PALD1: variants seen among roughly 807,000 people sequenced by gnomAD.
PALD1 encodes the protein paladin.
A neutral mutation model predicts 96.0 loss-of-function variants in PALD1; 57 were observed. The observed-to-expected ratio is 0.59, with a 90% CI of 0.48 to 0.74. PALD1 has a LOEUF of 0.74. Ranked by LOEUF, PALD1 falls within the 30% of genes least tolerant of loss-of-function variation. The pLI is 0.00. For synonymous variants in PALD1, 464 were observed against 473.6 expected, an observed-to-expected ratio of 0.98 and a Z score of 0.26; for missense variants, 1,063 against 1,143.7, an observed-to-expected ratio of 0.93 and a Z score of 1.02.
At chr10:70,518,145 C>T (rs952390241) in intron 1 of PALD1, among the ~76,000 whole-genome samples, 36 of 152,186 alleles carry the variant, frequency 2.4e-4, no homozygotes, top group African/African-American at 7.9e-4. Context: ...TCAGGTGATC[C>T]GCCCGCCTCG....
chr10:70,551,944 AC>A (rs1035914423), intron 18 of PALD1, among the ~76,000 whole-genome samples: 6 of 152,158 alleles, frequency 3.9e-5, no homozygotes, highest in Non-Finnish European at 8.8e-5. Context: ...CGATGATTTT[AC>A]TTTTGCCCGT....
chr10:70,556,510 TC>T (rs1847616008), intron 18 of PALD1, among the ~76,000 whole-genome samples: 2 of 151,780 alleles, frequency 1.3e-5, no homozygotes, highest in African/African-American at 2.4e-5. Context: ...AGAGACAGGG[TC>T]TTTGCTGTGG....
chr10:70,487,378 C>G (rs918941572), intron 1 of PALD1, among the ~76,000 whole-genome samples: 4 of 151,980 alleles, frequency 2.6e-5, no homozygotes, highest in Admixed American at 2.6e-4. Flanking sequence ...TGTGATCCGC[C>G]CGTCTTGGCC....
chr10:70,479,830 G>C (rs990864176), intron 1 of PALD1, among the ~76,000 whole-genome samples: 1 of 152,250 alleles, frequency 6.6e-6, no homozygotes, highest in Non-Finnish European at 1.5e-5. Flanking sequence ...TTAAATGCCA[G>C]GAAGGGCACT....
At chr10:70,480,285 T>C (rs924064419) in intron 1 of PALD1, among the ~76,000 whole-genome samples, 1 of 152,236 alleles carries the variant, frequency 6.6e-6, no homozygotes, top group African/African-American at 2.4e-5. Context: ...CTAGTTGCCC[T>C]GTGGCTCCTG....
At chr10:70,510,338 T>TA (rs1166663874) in intron 1 of PALD1, among the ~76,000 whole-genome samples, 1 of 151,930 alleles carries the variant, frequency 6.6e-6, no homozygotes, top group Non-Finnish European at 1.5e-5. Context: ...GCCAGGAGAG[T>TA]GTCAGCAGGG....
intron 1 of PALD1, among the ~76,000 whole-genome samples, chr10:70,513,464 T>A (rs1846557401): frequency 6.6e-6 from 1 of 152,152 alleles, no homozygotes; most frequent in African/African-American, 2.4e-5. Flanking sequence ...GAGCCGAGAT[T>A]GCACCACTGC....
Position 70,529,933 on chromosome 10 carries a change from G to T in PALD1, c.333G>T (p.Val111=). ...GGGATGTCACTGAGAAGATGGATGT[G>T]CTGGGCACCGTGGGAAGCTGTGGGG... The part of the protein sequence containing the change: ...LVRDVTEKMD[V]LGTVGSCGAP... Residue 111 remains valine (V), a synonymous_variant, in exon 4 of 20, where the codon GTG becomes GTT. Transcript: ENST00000263563. 6.2e-7 allele frequency: 1 copy of T among 1,613,948 alleles called. No individual in the cohort carries two copies. Among genetic ancestry groups the T allele is most frequent in the East Asian group, 2.2e-5 (1 of 44,828 alleles).
At chr10:70,472,002 C>T in the PALD1 span, among the ~76,000 whole-genome samples, 2 of 152,210 alleles carry the variant, frequency 1.3e-5, no homozygotes, top group Admixed American at 1.3e-4. Flanking sequence ...CCTAGCAAGT[C>T]TGGGGGCCTC....
intron 1 of PALD1, among the ~76,000 whole-genome samples, chr10:70,502,884 C>T (rs905700551): frequency 6.6e-6 from 1 of 151,918 alleles, no homozygotes; most frequent in Non-Finnish European, 1.5e-5. Flanking sequence ...CTTTTCTCTT[C>T]TCTCTTTTCT....
chr10:70,461,093 G>C, the PALD1 span, among the ~76,000 whole-genome samples: 1 of 152,084 alleles, frequency 6.6e-6, no homozygotes, highest in African/African-American at 2.4e-5. Context: ...CCAGAACCCC[G>C]GCCTGCGGGC....
intron 2 of PALD1, 22 bp from the exon 3 acceptor site, chr10:70,529,207 T>TCCCCCCCCCC: frequency 2.6e-6 from 1 of 391,778 alleles, no homozygotes; most frequent in Non-Finnish European, 4.6e-6. Flanking sequence ...GTTTCCATTC[T>TCCCCCCCCCC]GCCCCCCCCC....
chr10:70,470,879 G>A, the PALD1 span, among the ~76,000 whole-genome samples: 35 of 151,962 alleles, frequency 2.3e-4, 1 homozygote, highest in Admixed American at 3.9e-4. Flanking sequence ...TCGGCTCACC[G>A]CAACCTCCGC....
In PALD1 at chr10:70,529,260, G is replaced by C; in HGVS notation, c.217G>C (p.Asp73His). 6.9e-7 allele frequency: 1 copy of C among 1,454,274 alleles called. No individual in the cohort carries two copies. The highest frequency in any genetic ancestry group is 9.4e-7 in the Non-Finnish European group (1 of 1,060,442). The allele number at this position is 1,454,274 out of a possible 1,614,324, so 90.1% of individuals were successfully genotyped here. Residue 73 changes from aspartate to histidine, a missense_variant, in exon 3 of 20, where the codon GAT (aspartate) becomes CAT (histidine). By Grantham distance (81) the Asp-to-His change is moderately conservative. Coordinates refer to ENST00000263563, the MANE Select transcript of PALD1 (RefSeq NM_014431.3). ...CTGCAAGGAGGAGTTCCAGATCCATGATGAGCTGCTCAAGGCTCATTACAC... is the reference window on the plus strand; with the variant it reads ...CTGCAAGGAGGAGTTCCAGATCCATCATGAGCTGCTCAAGGCTCATTACAC... ...YNCKEEFQIH[D>H]ELLKAHYTLG...
intron 5 of PALD1, among the ~76,000 whole-genome samples, chr10:70,532,005 A>G (rs61464697): frequency 0.043 from 6,461 of 151,830 alleles, 459 homozygotes; most frequent in African/African-American, 0.15. Flanking sequence ...GAAAAAGAAA[A>G]AGAAAGGGTT....
At chr10:70,533,856 C>A in intron 7 of PALD1, 66 bp from the exon 8 acceptor site, 2 of 1,415,408 alleles carry the variant, frequency 1.4e-6, no homozygotes, top group Non-Finnish European at 1.9e-6. Flanking sequence ...TGCTTTTCTC[C>A]CTGCTCAGGC....
chr10:70,530,115 G>A, intron 4 of PALD1, 47 bp downstream of exon 4: 2 of 1,452,174 alleles, frequency 1.4e-6, no homozygotes, highest in South Asian at 1.4e-5. Context: ...CAAAGCCAGG[G>A]AGAGGGGCAC....
Position 70,539,755 on chromosome 10 carries a change from G to A in PALD1, c.1901G>A (p.Arg634Gln), listed in dbSNP as rs763501008. 8.7e-6 allele frequency: 14 copies of A among 1,609,288 alleles called. No homozygotes were observed. Among genetic ancestry groups the A allele is most frequent in the East Asian group, 4.5e-5 (2 of 44,732 alleles). Residue 634 changes from arginine to glutamine, a missense_variant, in exon 15 of 20, where the codon CGA (arginine) becomes CAA (glutamine). Coordinates refer to ENST00000263563, the MANE Select transcript of PALD1 (RefSeq NM_014431.3). The surrounding 1 kb of genome is among the most constrained non-coding windows in gnomAD (Gnocchi z 4.5). ...RIPMPDFCAP[R>Q]EEDFDQLLEA... ...CCCATGCCGGACTTCTGTGCCCCCC[G>A]AGAGGAGGTGAGGGTGCTGCTCAGG...
intron 19 of PALD1, 98 bp downstream of exon 19, chr10:70,564,617 C>G (rs1847807483): frequency 8.5e-7 from 1 of 1,175,946 alleles, no homozygotes; most frequent in Admixed American, 2.2e-5. Flanking sequence ...CTGCGGGGAC[C>G]CCGTGACAGG....
Sources: gnomAD v4.1 joint callset for allele counts (sites outside exome capture counted in the v4.1 genomes callset) on GRCh38, gnomAD v4.1.1 for gene constraint, Gnocchi (gnomAD v3.1) non-coding constraint, MANE v1.5 for transcripts, NCBI Gene and HGNC (gene_info 2026-07-23, HGNC 2026-07-21) for gene names.